ARHGAP6: variants seen among roughly 807,000 people sequenced by gnomAD.
ARHGAP6 encodes the protein rho GTPase-activating protein 6.
In ARHGAP6, 16 loss-of-function variants were observed where a neutral mutation model predicts 55.7. The ratio of observed to expected loss-of-function variants is 0.29; its 90% confidence interval spans 0.19 to 0.44. ARHGAP6 has a LOEUF of 0.44. ARHGAP6 is among the 20% of genes least tolerant of loss of function. The pLI is 1.00. For synonymous variants in ARHGAP6, 382 were observed against 360.9 expected (o/e 1.06, Z -0.66); for missense variants, 698 against 808.9 (o/e 0.86, Z 1.66).
At chrX:11,613,463 T>C (rs961436636) in intron 1 of ARHGAP6, among the ~76,000 whole-genome samples, 4 of 112,224 alleles carry the variant, frequency 3.6e-5, no homozygotes, top group Non-Finnish European at 7.5e-5. Flanking sequence ...ATCTCTACTT[T>C]TGAGACCCAC....
intron 1 of ARHGAP6, among the ~76,000 whole-genome samples, chrX:11,311,047 T>C (rs966945418): frequency 2.7e-5 from 3 of 112,051 alleles, no homozygotes; most frequent in African/African-American, 9.7e-5. Context: ...ATTGTGACCC[T>C]CTGCCTTTTT....
intron 1 of ARHGAP6, among the ~76,000 whole-genome samples, chrX:11,340,171 G>A (rs2048685435): frequency 9.0e-6 from 1 of 111,418 alleles, no homozygotes. Context: ...CCCCATTAGA[G>A]CCCCATCCTA....
At chrX:11,358,948 C>T (rs764050031) in intron 1 of ARHGAP6, among the ~76,000 whole-genome samples, 1 of 112,098 alleles carries the variant, frequency 8.9e-6, no homozygotes, top group Non-Finnish European at 1.9e-5. Context: ...TGTCTAGAAA[C>T]ATTTTAATGC....
intron 1 of ARHGAP6, among the ~76,000 whole-genome samples, chrX:11,618,655 A>G (rs1475233891): frequency 8.9e-6 from 1 of 112,378 alleles, no homozygotes; most frequent in Non-Finnish European, 1.9e-5. Context: ...GAAAAAGAAG[A>G]TAAAGTTATG....
intron 1 of ARHGAP6, among the ~76,000 whole-genome samples, chrX:11,353,498 G>T (rs2048887133): frequency 9.1e-6 from 1 of 110,164 alleles, no homozygotes; most frequent in Non-Finnish European, 1.9e-5. Flanking sequence ...ATTTGCTAGG[G>T]TGTCCTTATT....
intron 1 of ARHGAP6, among the ~76,000 whole-genome samples, chrX:11,273,146 A>C (rs991781068): frequency 3.9e-4 from 43 of 110,923 alleles, no homozygotes; most frequent in Admixed American, 1.1e-3. Context: ...TGGTAAATAA[A>C]GCAAATAGCG....
rs1164971839 is a variant in ARHGAP6, at chrX:11,386,781, G to T, written c.589-132074C>A. Among the ~76,000 whole-genome samples the T allele has an allele frequency of 1.2e-4, 13 of 112,142 alleles. No homozygotes were observed. In the Admixed American group the frequency reaches 1.2e-3, roughly 11 times the overall value. The stretch of plus-strand genomic sequence containing the variant: ...TAAAAAAGAGCACAAAGAAAAGAAA[G>T]AAAATTAAACTATAAATAGCAGTAA... On this transcript the variant is annotated intron_variant, in intron 1 of 12. Coordinates refer to ENST00000337414, the MANE Select transcript of ARHGAP6 (RefSeq NM_013427.3).
chrX:11,162,044 A>G (rs2045953431), intron 9 of ARHGAP6, among the ~76,000 whole-genome samples: 1 of 111,691 alleles, frequency 9.0e-6, no homozygotes, highest in African/African-American at 3.3e-5. Flanking sequence ...TTGTTTACCC[A>G]GAACTGAAAC....
rs1216907403 is a variant in ARHGAP6 at position 11,590,775 on chromosome X, C to CAAACAGAAAAGAAAAGAAAAGAAAA, written c.588+73465_588+73466insTTTTCTTTTCTTTTCTTTTCTGTTT. ...TGGGTGACAGAGTGAGACTCCATCT[C>CAAACAGAAAAGAAAAGAAAAGAAAA]GAAAAGAAAAGAAAAGAAAAGAAAA... On this transcript the variant is annotated intron_variant, in intron 1 of 12. Coordinates refer to ENST00000337414, the MANE Select transcript of ARHGAP6 (RefSeq NM_013427.3). Among the ~76,000 whole-genome samples, 8 of 10,723 alleles carry CAAACAGAAAAGAAAAGAAAAGAAAA rather than the reference C, an allele frequency of 7.5e-4. 1 individual carries two copies. Among genetic ancestry groups the CAAACAGAAAAGAAAAGAAAAGAAAA allele is most frequent in the African/African-American group, 3.6e-3 (7 of 1,941 alleles). 9.3% of individuals were successfully genotyped at this position (10,723 alleles called of 115,157 possible).
At chrX:11,354,295 TTCTCTCTCTCTCTC>T (rs1206233633) in intron 1 of ARHGAP6, among the ~76,000 whole-genome samples, 6 of 41,054 alleles carry the variant, frequency 1.5e-4, no homozygotes, top group African/African-American at 4.0e-4. Flanking sequence ...CTCTCTCTCT[TTCTCTCTCTCTCTC>T]TCTCTCTCTC....
chrX:11,464,780 T>C (rs1178334048), intron 1 of ARHGAP6, among the ~76,000 whole-genome samples: 2 of 112,371 alleles, frequency 1.8e-5, no homozygotes, highest in Admixed American at 1.9e-4. Flanking sequence ...GAAAAATTTG[T>C]CTTCCATTTC....
At chrX:11,526,324 C>G in intron 1 of ARHGAP6, among the ~76,000 whole-genome samples, 1 of 111,687 alleles carries the variant, frequency 9.0e-6, no homozygotes, top group Non-Finnish European at 1.9e-5. Context: ...GTAACCACTT[C>G]CAGACTTCCC....
At chrX:11,506,807 A>C (rs1400241154) in intron 1 of ARHGAP6, among the ~76,000 whole-genome samples, 3 of 111,726 alleles carry the variant, frequency 2.7e-5, no homozygotes, top group East Asian at 2.8e-4. Flanking sequence ...TCCTTGAGGA[A>C]TCGCCACACT....
chrX:11,309,638 G>A, intron 1 of ARHGAP6, among the ~76,000 whole-genome samples: 1 of 111,729 alleles, frequency 9.0e-6, no homozygotes, highest in Non-Finnish European at 1.9e-5. Context: ...TAGAAATGCA[G>A]TATGATTGCT....
intron 1 of ARHGAP6, among the ~76,000 whole-genome samples, chrX:11,518,462 C>CTTTTTTTTTTT: frequency 1.9e-3 from 139 of 74,791 alleles, no homozygotes; most frequent in Non-Finnish European, 2.6e-3. Flanking sequence ...TTTTTTTTTT[C>CTTTTTTTTTTT]TTTTTTTTTT....
At chrX:11,389,640 A>C (rs1402917593) in intron 1 of ARHGAP6, among the ~76,000 whole-genome samples, 2 of 112,660 alleles carry the variant, frequency 1.8e-5, no homozygotes, top group African/African-American at 6.4e-5. Context: ...GCTAAATTTT[A>C]CATGTCCTAA....
chrX:11,409,891 C>G (rs1229623651), intron 1 of ARHGAP6, among the ~76,000 whole-genome samples: 3 of 112,190 alleles, frequency 2.7e-5, no homozygotes, highest in Admixed American at 9.4e-5. Flanking sequence ...GAGGATTCCT[C>G]AAACCCAGGA....
chrX:11,577,948 C>T (rs953600376), intron 1 of ARHGAP6, among the ~76,000 whole-genome samples: 3 of 111,432 alleles, frequency 2.7e-5, no homozygotes, highest in African/African-American at 9.8e-5. Context: ...TCATAGTCAT[C>T]GTCTTGAGGG....
intron 1 of ARHGAP6, among the ~76,000 whole-genome samples, chrX:11,500,217 C>T (rs1025786090): frequency 2.7e-5 from 3 of 111,417 alleles, no homozygotes; most frequent in Non-Finnish European, 3.8e-5. Flanking sequence ...AAGGTACTTC[C>T]CAAGTCACTT....
Sources: allele counts gnomAD v4.1 joint callset (sites outside exome capture counted in the v4.1 genomes callset), GRCh38; gene constraint gnomAD v4.1.1; transcripts MANE v1.5; gene names NCBI Gene and HGNC (gene_info 2026-07-23, HGNC 2026-07-21).